Variants in PPARGC1A observed in about 807,000 individuals in gnomAD.
The protein encoded by PPARGC1A is PPARG coactivator 1 alpha.
Under a neutral mutation model 88.7 loss-of-function variants are expected in PPARGC1A, and 25 were observed. That is an observed-to-expected ratio of 0.28 (90% CI 0.21 to 0.39). The LOEUF (loss-of-function observed/expected upper bound fraction) is 0.39, where lower values mean the gene tolerates loss of function less well. PPARGC1A is among the 10% of genes least tolerant of loss of function. PPARGC1A has a pLI of 1.00. For missense variants in PPARGC1A, 880 were observed against 968.7 expected, an observed-to-expected ratio of 0.91 and a Z score of 1.22; for synonymous variants, 363 against 355.6, an observed-to-expected ratio of 1.02 and a Z score of -0.24.
the PPARGC1A span, among the ~76,000 whole-genome samples, chr4:24,361,645 C>T: frequency 6.6e-6 from 1 of 152,192 alleles, no homozygotes; most frequent in Non-Finnish European, 1.5e-5. Context: ...CAATCCAAAT[C>T]TAAAACTCAA....
At chr4:24,229,249 G>GTTCAAGTGA in the PPARGC1A span, among the ~76,000 whole-genome samples, 5 of 145,060 alleles carry the variant, frequency 3.4e-5, no homozygotes, top group Admixed American at 3.5e-4. Context: ...CACCTCCCGG[G>GTTCAAGTGA]TTCAAGTGAT....
At chr4:24,204,591 T>C in the PPARGC1A span, among the ~76,000 whole-genome samples, 1 of 152,024 alleles carries the variant, frequency 6.6e-6, no homozygotes, top group Admixed American at 6.6e-5. Flanking sequence ...CACATAACCC[T>C]GAGAAAGATG....
chr4:24,394,135 AAT>A, the PPARGC1A span, among the ~76,000 whole-genome samples: 2 of 152,208 alleles, frequency 1.3e-5, no homozygotes. Flanking sequence ...TGAGAATGTC[AAT>A]ATGTTAATGA....
At chr4:23,997,434 G>A in the PPARGC1A span, among the ~76,000 whole-genome samples, 4 of 150,220 alleles carry the variant, frequency 2.7e-5, no homozygotes, top group South Asian at 2.1e-4. Context: ...AAAAGCAACT[G>A]TAGCAGGCAA....
chr4:24,147,510 C>G, the PPARGC1A span, among the ~76,000 whole-genome samples: 1 of 152,136 alleles, frequency 6.6e-6, no homozygotes, highest in Non-Finnish European at 1.5e-5. Flanking sequence ...TTCTGAAGAA[C>G]CTGAATTACT....
chr4:24,259,180 C>G, the PPARGC1A span, among the ~76,000 whole-genome samples: 1 of 152,126 alleles, frequency 6.6e-6, no homozygotes, highest in Admixed American at 6.5e-5. Flanking sequence ...TACAGAAATA[C>G]TAAAAGATGG....
At chr4:23,990,638 T>C in the PPARGC1A span, among the ~76,000 whole-genome samples, 1 of 152,096 alleles carries the variant, frequency 6.6e-6, no homozygotes, top group Middle Eastern at 3.4e-3. Flanking sequence ...AGAACTGAGT[T>C]AGTGCACTCA....
chr4:23,918,914 C>T, the PPARGC1A span, among the ~76,000 whole-genome samples: 1 of 151,986 alleles, frequency 6.6e-6, no homozygotes, highest in Non-Finnish European at 1.5e-5. Context: ...TCATGCAAAC[C>T]CTGCTTCTCT....
At chr4:24,423,325 C>T in the PPARGC1A span, among the ~76,000 whole-genome samples, 1 of 152,172 alleles carries the variant, frequency 6.6e-6, no homozygotes, top group Non-Finnish European at 1.5e-5. Flanking sequence ...GTGCCTAACA[C>T]GTGATAGGGC....
chr4:24,392,243 CT>C, the PPARGC1A span, among the ~76,000 whole-genome samples: 5 of 152,050 alleles, frequency 3.3e-5, no homozygotes, highest in African/African-American at 7.2e-5. Context: ...TAGGTGGAGG[CT>C]TTTTTTAAAA....
chr4:24,000,785 G>A, the PPARGC1A span, among the ~76,000 whole-genome samples: 1 of 152,146 alleles, frequency 6.6e-6, no homozygotes, highest in Non-Finnish European at 1.5e-5. Flanking sequence ...CTGTGATATA[G>A]AGATAAGGGG....
the PPARGC1A span, among the ~76,000 whole-genome samples, chr4:24,414,287 T>A: frequency 6.6e-6 from 1 of 152,322 alleles, no homozygotes. Flanking sequence ...CATTTGCTTT[T>A]GGGCAGAATT....
intron 2 of PPARGC1A, among the ~76,000 whole-genome samples, chr4:23,845,411 G>A (rs1480579605): frequency 6.6e-6 from 1 of 152,088 alleles, no homozygotes; most frequent in Non-Finnish European, 1.5e-5. Flanking sequence ...CCTGACACTT[G>A]GATCTATATG....
chr4:24,356,650 T>C, the PPARGC1A span, among the ~76,000 whole-genome samples: 1 of 152,246 alleles, frequency 6.6e-6, no homozygotes, highest in African/African-American at 2.4e-5. Context: ...CTCTGGGCCC[T>C]GTCCTTTGGA....
chr4:23,977,648 A>C, the PPARGC1A span, among the ~76,000 whole-genome samples: 1 of 152,194 alleles, frequency 6.6e-6, no homozygotes, highest in Non-Finnish European at 1.5e-5. Context: ...TATGGAAAAA[A>C]CCTGCTTGTC....
the PPARGC1A span, among the ~76,000 whole-genome samples, chr4:24,015,365 G>A: frequency 6.6e-6 from 1 of 152,058 alleles, no homozygotes; most frequent in Admixed American, 6.6e-5. Flanking sequence ...CAATGAATAC[G>A]CTTTCAGTTT....
chr4:24,307,486 G>A, the PPARGC1A span, among the ~76,000 whole-genome samples: 1 of 152,202 alleles, frequency 6.6e-6, no homozygotes, highest in Non-Finnish European at 1.5e-5. Flanking sequence ...CTGGCATTGT[G>A]TTGAGCACTC....
the PPARGC1A span, among the ~76,000 whole-genome samples, chr4:24,442,097 G>A: frequency 2.6e-5 from 4 of 152,030 alleles, no homozygotes; most frequent in Non-Finnish European, 4.4e-5. Context: ...AATCAGAATC[G>A]TGGAAATCAA....
the PPARGC1A span, among the ~76,000 whole-genome samples, chr4:23,918,623 A>AT: frequency 6.6e-6 from 1 of 152,158 alleles, no homozygotes; most frequent in Non-Finnish European, 1.5e-5. Flanking sequence ...GGGCTTGCAT[A>AT]TTTTTATCTT....
Sources: gnomAD v4.1 joint callset for allele counts (sites outside exome capture counted in the v4.1 genomes callset) on GRCh38, gnomAD v4.1.1 for gene constraint, MANE v1.5 for transcripts, NCBI Gene and HGNC (gene_info 2026-07-23, HGNC 2026-07-21) for gene names.